Variants in TMEM200A observed in about 807,000 individuals in gnomAD.
TMEM200A encodes transmembrane protein 200A.
A neutral mutation model predicts 24.3 loss-of-function variants in TMEM200A; 12 were observed. The ratio of observed to expected loss-of-function variants is 0.49; its 90% confidence interval spans 0.32 to 0.80. TMEM200A has a LOEUF of 0.80. TMEM200A is among the 30% of genes least tolerant of loss of function. The pLI is 0.04. For missense variants in TMEM200A, 545 were observed against 614.4 expected (o/e 0.89, Z 1.19); for synonymous variants, 224 against 224.4 (o/e 1.00, Z 0.02).
At chr6:130,405,394 G>C (rs576368674) in intron 2 of TMEM200A, among the ~76,000 whole-genome samples, 1 of 151,870 alleles carries the variant, frequency 6.6e-6, no homozygotes, top group Non-Finnish European at 1.5e-5. Context: ...CGTATTCCTG[G>C]GTATTTTATT....
intron 2 of TMEM200A, among the ~76,000 whole-genome samples, chr6:130,422,987 A>G (rs1340062269): frequency 3.3e-5 from 5 of 152,240 alleles, no homozygotes; most frequent in African/African-American, 1.2e-4. Flanking sequence ...TCATAGTTGT[A>G]GCTCTCAAAT....
chr6:130,434,429 A>G (rs1255524488), intron 2 of TMEM200A, among the ~76,000 whole-genome samples: 2 of 152,228 alleles, frequency 1.3e-5, no homozygotes, highest in Non-Finnish European at 2.9e-5. Context: ...AAGTCTATGT[A>G]ATTATAATTA....
intron 2 of TMEM200A, among the ~76,000 whole-genome samples, chr6:130,410,114 G>A (rs1266421887): frequency 6.6e-6 from 1 of 152,132 alleles, no homozygotes; most frequent in Non-Finnish European, 1.5e-5. Flanking sequence ...TTATGGAATT[G>A]AGCCTTAACT....
At chr6:130,425,237 T>TTAAGA (rs139292724) in intron 2 of TMEM200A, among the ~76,000 whole-genome samples, 2,775 of 152,244 alleles carry the variant, frequency 0.018, 22 homozygotes, top group Non-Finnish European at 0.027. Flanking sequence ...TCACAAGAGT[T>TTAAGA]TAAAAGTCAT....
At chr6:130,432,379 GA>G in intron 2 of TMEM200A, among the ~76,000 whole-genome samples, 1 of 152,300 alleles carries the variant, frequency 6.6e-6, no homozygotes, top group South Asian at 2.1e-4. Flanking sequence ...GAAATAGAAT[GA>G]ATTTAAAAGA....
intron 2 of TMEM200A, among the ~76,000 whole-genome samples, chr6:130,406,937 G>T (rs1326086076): frequency 6.6e-6 from 1 of 152,114 alleles, no homozygotes; most frequent in Non-Finnish European, 1.5e-5. Flanking sequence ...CCTGAACAAA[G>T]CTCATGACAG....
In TMEM200A at chr6:130,366,616, C is replaced by T; in HGVS notation, c.-81+92C>T. The T allele has an allele frequency of 1.0e-6, 1 of 957,860 alleles. No homozygotes were observed. The highest frequency in any genetic ancestry group is 6.2e-5 in the Admixed American group (1 of 16,250). 59.3% of individuals were successfully genotyped at this position (957,860 alleles called of 1,614,324 possible). A position where few individuals can be genotyped will look rare whatever the true frequency, so the allele number is the denominator to read the frequency against. ...GGGCACTTCTTCAGCCCTCTGCCCT[C>T]CCCTCCCCTCCGCTACAGCCTCCAG... On this transcript the variant is annotated intron_variant, in intron 1 of 2. Coordinates refer to ENST00000296978, the MANE Select transcript of TMEM200A (RefSeq NM_001258277.2). The surrounding 1 kb of genome is among the most constrained non-coding windows in gnomAD (Gnocchi z 4.4).
At chr6:130,385,704 T>A (rs1351423840) in intron 2 of TMEM200A, among the ~76,000 whole-genome samples, 1 of 152,216 alleles carries the variant, frequency 6.6e-6, no homozygotes, top group East Asian at 1.9e-4. Flanking sequence ...GGTTTATACC[T>A]TGTAACCTGT....
intron 1 of TMEM200A, among the ~76,000 whole-genome samples, chr6:130,379,010 T>C (rs1778534098): frequency 6.6e-6 from 1 of 152,192 alleles, no homozygotes; most frequent in Non-Finnish European, 1.5e-5. Flanking sequence ...TCATTCTTTT[T>C]ATGAAGAAAC....
intron 2 of TMEM200A, among the ~76,000 whole-genome samples, chr6:130,423,425 A>G (rs753628585): frequency 2.0e-5 from 3 of 152,174 alleles, no homozygotes; most frequent in Non-Finnish European, 2.9e-5. Flanking sequence ...CATTTAAATG[A>G]TTACATAGAA....
rs2115245272 is a variant in TMEM200A, at chr6:130,441,957, T to C, written c.*59T>C. 6.8e-7 allele frequency: 1 copy of C among 1,464,846 alleles called. No individual in the cohort carries two copies. The highest frequency in any genetic ancestry group is 2.3e-5 in the East Asian group (1 of 42,968). The allele number at this position is 1,464,846 out of a possible 1,614,324, so 90.7% of individuals were successfully genotyped here. A position where few individuals can be genotyped will look rare whatever the true frequency, so the allele number is the denominator to read the frequency against. ...TATTTTAAAACGATTTTCACTGGTGTTTCCTTCTTAAAGTATTGGCTGTAA... is the reference window on the plus strand; with the variant it reads ...TATTTTAAAACGATTTTCACTGGTGCTTCCTTCTTAAAGTATTGGCTGTAA... On this transcript the variant is annotated 3_prime_UTR_variant, in exon 3 of 3. Coordinates refer to ENST00000296978, the MANE Select transcript of TMEM200A (RefSeq NM_001258277.2).
intron 2 of TMEM200A, among the ~76,000 whole-genome samples, chr6:130,417,848 C>T (rs1779494724): frequency 6.6e-6 from 1 of 152,034 alleles, no homozygotes; most frequent in Admixed American, 6.6e-5. Context: ...TCAAACAAGT[C>T]AAATAGTTGT....
chr6:130,401,636 G>A (rs909424820), intron 2 of TMEM200A, among the ~76,000 whole-genome samples: 7 of 151,344 alleles, frequency 4.6e-5, no homozygotes, highest in African/African-American at 7.3e-5. Context: ...TGCCTTCATT[G>A]GGTCTATGGT....
chr6:130,378,580 C>T (rs563572117), intron 1 of TMEM200A, among the ~76,000 whole-genome samples: 49 of 151,998 alleles, frequency 3.2e-4, no homozygotes, highest in African/African-American at 1.1e-3. Context: ...AAAAATTAGC[C>T]GGGCATGGTG....
intron 1 of TMEM200A, chr6:130,382,963 C>T: frequency 1.0e-6 from 1 of 952,762 alleles, no homozygotes; most frequent in Non-Finnish European, 1.2e-6. Context: ...GCTTTGCCTC[C>T]CTAGTGACTC....
chr6:130,413,889 A>G (rs530962589), intron 2 of TMEM200A, among the ~76,000 whole-genome samples: 1 of 152,300 alleles, frequency 6.6e-6, no homozygotes, highest in East Asian at 1.9e-4. Flanking sequence ...TTATGTGCTT[A>G]GAATATCATT....
intron 2 of TMEM200A, among the ~76,000 whole-genome samples, chr6:130,406,178 TTCTG>T (rs1251167163): frequency 6.6e-6 from 1 of 152,222 alleles, no homozygotes; most frequent in Non-Finnish European, 1.5e-5. Flanking sequence ...CCGAGTTTTT[TTCTG>T]TCTAATTTCT....
In TMEM200A at chr6:130,440,495, C is replaced by A. The variant is rs760749200; in HGVS notation, c.73C>A (p.His25Asn). The change falls in exon 3 of 3, where the codon CAT becomes AAT. Residue 25 changes from histidine to asparagine, a missense_variant. Coordinates refer to ENST00000296978, the MANE Select transcript of TMEM200A (RefSeq NM_001258277.2). ...GCAAGACTCTGCCAGATCACAGCAG[C>A]ATGTCAACCTCAGCCCGTCTCCTGC... ...KRQDSARSQQ[H>N]VNLSPSPATQ... is the part of the protein sequence containing the mutation. 2 of 1,613,824 alleles carry A rather than the reference C, an allele frequency of 1.2e-6. No individual in the cohort carries two copies. The highest frequency in any genetic ancestry group is 8.5e-7 in the Non-Finnish European group (1 of 1,179,844).
At chr6:130,439,894 T>C (rs1482477840) in intron 2 of TMEM200A, among the ~76,000 whole-genome samples, 2 of 151,956 alleles carry the variant, frequency 1.3e-5, no homozygotes, top group Non-Finnish European at 2.9e-5. Context: ...ACAAGAGAGG[T>C]CTTAGAACCA....
Sources: gnomAD v4.1 joint callset for allele counts (sites outside exome capture counted in the v4.1 genomes callset) on GRCh38, gnomAD v4.1.1 for gene constraint, Gnocchi (gnomAD v3.1) non-coding constraint, MANE v1.5 for transcripts, NCBI Gene and HGNC (gene_info 2026-07-23, HGNC 2026-07-21) for gene names.